The following KLHL32 variants were observed in gnomAD, a reference collection of about 807,000 sequenced individuals.
KLHL32 encodes the protein kelch like family member 32.
Under a neutral mutation model 64.8 loss-of-function variants are expected in KLHL32, and 35 were observed. The ratio of observed to expected loss-of-function variants is 0.54; its 90% CI spans 0.41 to 0.72. The LOEUF is 0.72. Ranked by LOEUF, KLHL32 falls within the 30% of genes least tolerant of loss-of-function variation. The probability of loss-of-function intolerance (pLI) is 0.00; values close to 1 mark genes in which losing one functional copy is unlikely to be tolerated. For missense variants in KLHL32, 589 were observed against 768.5 expected, an observed-to-expected ratio of 0.77 and a Z score of 2.76; for synonymous variants, 259 against 281.0, an observed-to-expected ratio of 0.92 and a Z score of 0.78.
chr6:96,980,586 C>G (rs1776194431), intron 3 of KLHL32, among the ~76,000 whole-genome samples: 1 of 152,058 alleles, frequency 6.6e-6, no homozygotes, highest in South Asian at 2.1e-4. Flanking sequence ...TGGATTTTTA[C>G]ATTTATGTTC....
At chr6:96,981,282 A>G (rs1326243602) in intron 3 of KLHL32, among the ~76,000 whole-genome samples, 2 of 152,096 alleles carry the variant, frequency 1.3e-5, no homozygotes, top group Non-Finnish European at 2.9e-5. Flanking sequence ...TCCTGGTTCA[A>G]TTTGGGAGGT....
intron 5 of KLHL32, among the ~76,000 whole-genome samples, chr6:97,082,483 G>T (rs1792701342): frequency 6.6e-6 from 1 of 152,094 alleles, no homozygotes; most frequent in East Asian, 1.9e-4. Flanking sequence ...CATGGTGGCG[G>T]GCGCCTGTAG....
At chr6:97,029,662 G>C (rs1783242898) in intron 3 of KLHL32, among the ~76,000 whole-genome samples, 1 of 152,130 alleles carries the variant, frequency 6.6e-6, no homozygotes, top group Admixed American at 6.6e-5. Context: ...CAAGATAAAG[G>C]AGGTAAATAG....
At chr6:96,941,661 A>G (rs866997952) in intron 1 of KLHL32, among the ~76,000 whole-genome samples, 2 of 152,206 alleles carry the variant, frequency 1.3e-5, no homozygotes, top group African/African-American at 2.4e-5. Context: ...TATCTCTTGA[A>G]TAAGTGAGCC....
intron 1 of KLHL32, among the ~76,000 whole-genome samples, chr6:96,950,497 CG>C (rs1385354106): frequency 5.9e-5 from 8 of 136,626 alleles, no homozygotes; most frequent in Non-Finnish European, 1.3e-4. Flanking sequence ...TCAGTTGTCA[CG>C]TTAAAAAAAA....
At chr6:97,027,679 C>T (rs967697511) in intron 3 of KLHL32, among the ~76,000 whole-genome samples, 3 of 152,196 alleles carry the variant, frequency 2.0e-5, no homozygotes, top group Non-Finnish European at 4.4e-5. Context: ...CTTGAATCCA[C>T]TTTCTTTCTT....
At position 96,965,000 on chromosome 6, in the gene KLHL32, G is replaced by T. The variant is rs1416478055; in HGVS notation, c.-65-1996G>T. Among the ~76,000 whole-genome samples the T allele has an allele frequency of 3.9e-5, 6 of 152,154 alleles. No individual in the cohort carries two copies. The East Asian group carries it at 1.2e-3, about 29-fold the overall frequency. ...TGGAGTTTTTTAGCCCATGCCCCCAGTCCCCTTCTAGTTGTCCCCAATGTT... is the reference window on the plus strand; with the variant it reads ...TGGAGTTTTTTAGCCCATGCCCCCATTCCCCTTCTAGTTGTCCCCAATGTT... On this transcript the variant is annotated intron_variant, in intron 1 of 10. Coordinates refer to ENST00000369261, the MANE Select transcript of KLHL32 (RefSeq NM_052904.4).
intron 3 of KLHL32, among the ~76,000 whole-genome samples, chr6:97,033,671 A>G (rs553005526): frequency 6.6e-6 from 1 of 152,182 alleles, no homozygotes; most frequent in East Asian, 1.9e-4. Flanking sequence ...CCTTTTCTCT[A>G]CAACCTCACC....
chr6:96,901,244 T>A, the KLHL32 span, among the ~76,000 whole-genome samples: 2 of 152,162 alleles, frequency 1.3e-5, no homozygotes. Flanking sequence ...ATTTATTATC[T>A]TACAGTTTGG....
intron 6 of KLHL32, among the ~76,000 whole-genome samples, chr6:97,093,945 T>G (rs528460202): frequency 2.6e-5 from 4 of 152,342 alleles, no homozygotes; most frequent in African/African-American, 9.6e-5. Flanking sequence ...GTCTGTAGGC[T>G]GTTGTCCCTA....
intron 3 of KLHL32, among the ~76,000 whole-genome samples, chr6:96,996,359 G>A (rs962878244): frequency 8.6e-5 from 13 of 152,000 alleles, no homozygotes; most frequent in Non-Finnish European, 1.5e-4. Flanking sequence ...ATTGAGAAAA[G>A]GGCATAAATC....
chr6:97,068,316 A>G (rs986788427), intron 5 of KLHL32, among the ~76,000 whole-genome samples: 2 of 152,226 alleles, frequency 1.3e-5, no homozygotes, highest in Non-Finnish European at 1.5e-5. Flanking sequence ...AAACAGAACC[A>G]TCATGTAGAC....
chr6:97,106,947 A>C (rs1796489272), intron 6 of KLHL32, among the ~76,000 whole-genome samples: 1 of 152,088 alleles, frequency 6.6e-6, no homozygotes, highest in South Asian at 2.1e-4. Flanking sequence ...TTTGAAGCAA[A>C]ACATTCTTAT....
chr6:96,995,770 C>G (rs1340211327), intron 3 of KLHL32, among the ~76,000 whole-genome samples: 1 of 152,202 alleles, frequency 6.6e-6, no homozygotes, highest in African/African-American at 2.4e-5. Flanking sequence ...GAAGCCCTAT[C>G]CTGATCACCC....
chr6:96,996,118 G>T (rs1232067860), intron 3 of KLHL32, among the ~76,000 whole-genome samples: 1 of 152,212 alleles, frequency 6.6e-6, no homozygotes, highest in Non-Finnish European at 1.5e-5. Flanking sequence ...GCCCTGGGCT[G>T]CGGGCCACTC....
At chr6:96,936,740 A>G (rs556113740) in intron 1 of KLHL32, among the ~76,000 whole-genome samples, 1 of 152,284 alleles carries the variant, frequency 6.6e-6, no homozygotes, top group Non-Finnish European at 1.5e-5. Flanking sequence ...CTTTGCCTAA[A>G]ACTGCAGCAG....
chr6:97,090,200 T>C (rs1397792717), intron 6 of KLHL32, among the ~76,000 whole-genome samples: 5 of 152,200 alleles, frequency 3.3e-5, no homozygotes, highest in African/African-American at 1.2e-4. Flanking sequence ...ATGTATTGAA[T>C]GGATAATAAG....
chr6:96,979,690 T>G (rs1427209292), intron 3 of KLHL32, among the ~76,000 whole-genome samples: 2 of 152,236 alleles, frequency 1.3e-5, no homozygotes, highest in East Asian at 3.8e-4. Context: ...TTTCTAATTC[T>G]GTGAAAAACA....
intron 1 of KLHL32, among the ~76,000 whole-genome samples, chr6:96,957,750 C>G (rs1052987670): frequency 2.0e-5 from 3 of 152,128 alleles, no homozygotes; most frequent in Non-Finnish European, 4.4e-5. Context: ...GAAGAACTTA[C>G]ACATTATATT....
Sources: allele counts gnomAD v4.1 joint callset (sites outside exome capture counted in the v4.1 genomes callset), GRCh38; gene constraint gnomAD v4.1.1; transcripts MANE v1.5; gene names NCBI Gene and HGNC (gene_info 2026-07-23, HGNC 2026-07-21).